The following PIK3C2G variants were observed in gnomAD, a reference collection of about 807,000 sequenced individuals.
PIK3C2G encodes phosphatidylinositol 3-kinase C2 domain-containing subunit gamma.
Under a neutral mutation model 181.1 loss-of-function variants are expected in PIK3C2G, and 168 were observed. That is an observed-to-expected ratio of 0.93 (90% CI 0.82 to 1.05). The LOEUF (loss-of-function observed/expected upper bound fraction) is 1.05, where lower values mean the gene tolerates loss of function less well. PIK3C2G is among the 50% of genes least tolerant of loss of function. PIK3C2G has a pLI of 0.00. For synonymous variants in PIK3C2G, 573 were observed against 592.2 expected, an observed-to-expected ratio of 0.97 and a Z score of 0.47; for missense variants, 1,869 against 1,732.8, an observed-to-expected ratio of 1.08 and a Z score of -1.40.
At chr12:18,368,283 A>C (rs1174454975) in intron 12 of PIK3C2G, among the ~76,000 whole-genome samples, 1 of 152,226 alleles carries the variant, frequency 6.6e-6, no homozygotes, top group Non-Finnish European at 1.5e-5. Context: ...ATAAATGAAT[A>C]TAATGCGGTA....
chr12:18,244,766 A>G (rs756968405), upstream of PIK3C2G, among the ~76,000 whole-genome samples: 1 of 152,080 alleles, frequency 6.6e-6, no homozygotes, highest in Non-Finnish European at 1.5e-5. Flanking sequence ...TTTTCTAACA[A>G]TGAACATTAA....
At chr12:18,646,986 A>G (rs911289438) in intron 32 of PIK3C2G, among the ~76,000 whole-genome samples, 5 of 152,140 alleles carry the variant, frequency 3.3e-5, no homozygotes, top group Admixed American at 3.3e-4. Context: ...ATTCTGAATA[A>G]GTGATTATAT....
At chr12:18,373,778 G>A (rs1225837758) in intron 13 of PIK3C2G, among the ~76,000 whole-genome samples, 3 of 152,008 alleles carry the variant, frequency 2.0e-5, no homozygotes, top group Non-Finnish European at 2.9e-5. Flanking sequence ...GCGTGAACCC[G>A]GGAGGCAGAG....
the PIK3C2G span, among the ~76,000 whole-genome samples, chr12:18,690,306 C>A: frequency 9.2e-5 from 14 of 152,116 alleles, no homozygotes; most frequent in Admixed American, 5.2e-4. Context: ...TCACTGCAAC[C>A]TCTGCCTCCT....
chr12:18,617,541 AG>A (rs1446052873), intron 31 of PIK3C2G, among the ~76,000 whole-genome samples: 35 of 152,288 alleles, frequency 2.3e-4, no homozygotes, highest in African/African-American at 8.4e-4. Flanking sequence ...CTCATAACTA[AG>A]GGCTGAAATC....
intron 18 of PIK3C2G, among the ~76,000 whole-genome samples, chr12:18,431,605 C>T (rs980588608): frequency 6.6e-6 from 1 of 152,118 alleles, no homozygotes; most frequent in African/African-American, 2.4e-5. Context: ...TGGAACACTC[C>T]CTGAAGCAAG....
chr12:18,245,271 T>C (rs967339794), upstream of PIK3C2G, among the ~76,000 whole-genome samples: 2 of 152,128 alleles, frequency 1.3e-5, no homozygotes, highest in African/African-American at 4.8e-5. Flanking sequence ...ACCTCTCATT[T>C]CCAGTGAATT....
In PIK3C2G at chr12:18,354,660, G is replaced by A. The variant is rs151184039; in HGVS notation, c.1625+7824G>A. On this transcript the variant is annotated intron_variant, in intron 11 of 32. Coordinates refer to ENST00000538779, the MANE Select transcript of PIK3C2G (RefSeq NM_001288772.2). ...AGGCCAAGCCAGTCCTCATAATTTG[G>A]CCAAACCTTTGTGCAAAGGGCTAAT... is the stretch of plus-strand genomic sequence containing the variant. 4.2e-3 allele frequency among the ~76,000 whole-genome samples: 635 copies of A among 152,256 alleles called. 1 individual carries two copies. The highest frequency in any genetic ancestry group is 0.014 in the African/African-American group (593 of 41,546).
chr12:18,705,428 T>G, the PIK3C2G span: 3 of 1,311,498 alleles, frequency 2.3e-6, no homozygotes, highest in Non-Finnish European at 3.2e-6. Flanking sequence ...TTAGTACCTT[T>G]GCAAAATAAC....
chr12:18,605,765 T>A (rs1039370836), intron 30 of PIK3C2G, among the ~76,000 whole-genome samples: 1 of 152,114 alleles, frequency 6.6e-6, no homozygotes, highest in Non-Finnish European at 1.5e-5. Context: ...TTCACAAATG[T>A]CCCTCTTGAG....
At chr12:18,279,446 T>C (rs957530431) in intron 1 of PIK3C2G, among the ~76,000 whole-genome samples, 23 of 152,124 alleles carry the variant, frequency 1.5e-4, no homozygotes, top group African/African-American at 5.5e-4. Context: ...CATTGATACC[T>C]TATTTAAAGA....
chr12:18,363,035 G>C (rs911790547), intron 12 of PIK3C2G, 149 bp downstream of exon 12: 11 of 536,688 alleles, frequency 2.0e-5, no homozygotes, highest in African/African-American at 3.9e-5. Context: ...AGGGCTAATA[G>C]ATAACTGATT....
chr12:18,617,234 C>T (rs578008097), intron 31 of PIK3C2G, among the ~76,000 whole-genome samples: 2 of 152,066 alleles, frequency 1.3e-5, no homozygotes, highest in East Asian at 1.9e-4. Flanking sequence ...AGAGAGATTA[C>T]CTCAATAAAA....
chr12:18,409,078 CTA>C (rs1250550004), intron 16 of PIK3C2G, among the ~76,000 whole-genome samples: 1 of 152,104 alleles, frequency 6.6e-6, no homozygotes, highest in Non-Finnish European at 1.5e-5. Context: ...AATCATTCTA[CTA>C]TAAAGACACA....
chr12:18,281,014 G>T (rs181399968), intron 1 of PIK3C2G, among the ~76,000 whole-genome samples: 97 of 151,774 alleles, frequency 6.4e-4, no homozygotes, highest in Non-Finnish European at 1.1e-3. Flanking sequence ...TCATTTTTTT[G>T]CCCCATAGAA....
intron 20 of PIK3C2G, chr12:18,492,996 A>G (rs1462913848): frequency 6.6e-6 from 1 of 152,294 alleles, no homozygotes; most frequent in Non-Finnish European, 1.5e-5. Flanking sequence ...CTATGGGTAC[A>G]ACAATGAACA....
At chr12:18,351,772 T>C (rs903960877) in intron 11 of PIK3C2G, among the ~76,000 whole-genome samples, 2 of 152,232 alleles carry the variant, frequency 1.3e-5, no homozygotes, top group Admixed American at 6.5e-5. Flanking sequence ...CTTAGTGCAA[T>C]GTAAACTATG....
intron 15 of PIK3C2G, among the ~76,000 whole-genome samples, chr12:18,394,306 A>G (rs1480235793): frequency 1.3e-5 from 2 of 152,148 alleles, no homozygotes; most frequent in Non-Finnish European, 2.9e-5. Context: ...ACTAAAAAAA[A>G]TGAGATCTGA....
At chr12:18,581,687 A>T (rs940602863) in intron 29 of PIK3C2G, among the ~76,000 whole-genome samples, 1 of 152,200 alleles carries the variant, frequency 6.6e-6, no homozygotes, top group African/African-American at 2.4e-5. Flanking sequence ...GCTTCCAGAG[A>T]CGTCAAGTAG....
Sources: allele counts gnomAD v4.1 joint callset (sites outside exome capture counted in the v4.1 genomes callset), GRCh38; gene constraint gnomAD v4.1.1; transcripts MANE v1.5; gene names NCBI Gene and HGNC (gene_info 2026-07-23, HGNC 2026-07-21).